Variants in EPHB2 observed in about 807,000 individuals in gnomAD.
The protein encoded by EPHB2 is ephrin type-B receptor 2.
A neutral mutation model predicts 96.4 loss-of-function variants in EPHB2; 18 were observed. The observed-to-expected ratio is 0.19, with a 90% CI of 0.13 to 0.28. The LOEUF is 0.28. Among genes scored for constraint, EPHB2 ranks in the 10% least tolerant of loss-of-function variants. The pLI is 1.00. For synonymous variants in EPHB2, 506 were observed against 534.1 expected (o/e 0.95, Z 0.72); for missense variants, 989 against 1,355.4 (o/e 0.73, Z 4.25).
intron 1 of EPHB2, among the ~76,000 whole-genome samples, chr1:22,721,125 G>A (rs942573866): frequency 2.6e-5 from 4 of 152,320 alleles, no homozygotes; most frequent in Admixed American, 2.0e-4. Context: ...TCGCAGGAGT[G>A]GGGAAGCATT....
intron 3 of EPHB2, among the ~76,000 whole-genome samples, chr1:22,835,247 G>T (rs1188618293): frequency 1.3e-5 from 2 of 152,156 alleles, no homozygotes; most frequent in South Asian, 2.1e-4. Context: ...GGGCATGGTG[G>T]CATGTGCCTG....
chr1:22,763,311 G>C (rs772140551), intron 1 of EPHB2, among the ~76,000 whole-genome samples: 2 of 152,182 alleles, frequency 1.3e-5, no homozygotes, highest in Non-Finnish European at 2.9e-5. Context: ...GGCAGGGTTT[G>C]GTAGGTGGAA....
intron 1 of EPHB2, among the ~76,000 whole-genome samples, chr1:22,755,708 A>T (rs898932375): frequency 1.1e-4 from 17 of 152,212 alleles, no homozygotes; most frequent in Non-Finnish European, 2.1e-4. Flanking sequence ...TGGGACTAAT[A>T]CGGTGCCTAT....
At chr1:22,734,245 G>A (rs113182210) in intron 1 of EPHB2, among the ~76,000 whole-genome samples, 7 of 152,176 alleles carry the variant, frequency 4.6e-5, no homozygotes, top group South Asian at 2.1e-4. Flanking sequence ...CTTACCCCCC[G>A]GCACAGCCCA....
chr1:22,882,581 G>T (rs1420573915), intron 6 of EPHB2, 98 bp downstream of exon 6: 15 of 1,570,540 alleles, frequency 9.6e-6, no homozygotes, highest in Non-Finnish European at 1.3e-5. Flanking sequence ...AAGATGAGAC[G>T]CACTGGTGCA....
Position 22,913,658 on chromosome 1 carries a change from G to A in EPHB2, c.*88G>A, listed in dbSNP as rs1180957843. 1 of 1,602,034 alleles carries A rather than the reference G, an allele frequency of 6.2e-7. No homozygotes were observed. Among genetic ancestry groups the A allele is most frequent in the East Asian group, 2.3e-5 (1 of 44,422 alleles). On this transcript the variant is annotated 3_prime_UTR_variant, in exon 16 of 16. Transcript: ENST00000374630. This position sits in a 1 kb window ranked among gnomAD's most constrained non-coding sequence, Gnocchi z 4.1. ...CCTCCTGGTGCTCTATCCACTGCAG[G>A]GCCAGCCACTCGCCAGGAGGCCACG...
intron 1 of EPHB2, among the ~76,000 whole-genome samples, chr1:22,748,293 T>C (rs1644006399): frequency 6.6e-6 from 1 of 152,182 alleles, no homozygotes; most frequent in South Asian, 2.1e-4. Context: ...CTTTGGCTGC[T>C]GGGAAGCTCA....
rs749193387 is a variant in EPHB2, at chr1:22,882,282, C to T, written c.1304-77C>T. The T allele has an allele frequency of 3.3e-5, 53 of 1,595,494 alleles. 1 individual carries two copies. Among genetic ancestry groups the T allele is most frequent in the South Asian group, 4.4e-5 (4 of 90,282 alleles). Reference sequence around the variant, plus strand: ...CTGATCCCACAGTGCCCCACCTGTCCGAGTACCTCTGAGGGTGGGCCAGAA... The same window carrying T: ...CTGATCCCACAGTGCCCCACCTGTCTGAGTACCTCTGAGGGTGGGCCAGAA... On this transcript the variant is annotated intron_variant, in intron 5 of 15. Coordinates refer to ENST00000374630, the MANE Select transcript of EPHB2 (RefSeq NM_017449.5).
intron 3 of EPHB2, among the ~76,000 whole-genome samples, chr1:22,796,777 G>A (rs180783851): frequency 3.9e-5 from 6 of 152,288 alleles, no homozygotes; most frequent in Admixed American, 3.9e-4. Flanking sequence ...TATCAATTGG[G>A]TGCTCACTCT....
intron 3 of EPHB2, among the ~76,000 whole-genome samples, chr1:22,808,038 G>A (rs1477454028): frequency 6.6e-6 from 1 of 152,120 alleles, no homozygotes; most frequent in Non-Finnish European, 1.5e-5. Flanking sequence ...GGAGGCTGAG[G>A]CAGGAGAATT....
At chr1:22,791,471 CTTTTTTTTTTT>C (rs55650452) in intron 3 of EPHB2, among the ~76,000 whole-genome samples, 1 of 92,888 alleles carries the variant, frequency 1.1e-5, no homozygotes, top group African/African-American at 4.4e-5. Context: ...TTCTTTCTTT[CTTTTTTTTTTT>C]TTTTTTTTCC....
At chr1:22,718,780 T>C (rs1643360702) in intron 1 of EPHB2, among the ~76,000 whole-genome samples, 2 of 152,174 alleles carry the variant, frequency 1.3e-5, no homozygotes, top group Admixed American at 6.5e-5. Flanking sequence ...GTTGTATTAT[T>C]GTGCCCATTT....
In EPHB2 at chr1:22,733,284, G is replaced by A. The variant is rs574039941; in HGVS notation, c.61+22241G>A. Reference sequence around the variant, plus strand: ...GGCTGGTCTCAAACTTCTGACCTCAGGTGATTTGCCCACCTCAGCCTTCCA... The same window carrying A: ...GGCTGGTCTCAAACTTCTGACCTCAAGTGATTTGCCCACCTCAGCCTTCCA... On this transcript the variant is annotated intron_variant, in intron 1 of 15. Coordinates refer to ENST00000374630, the MANE Select transcript of EPHB2 (RefSeq NM_017449.5). This position sits in a 1 kb window ranked among gnomAD's most constrained non-coding sequence, Gnocchi z 4.6. 1.3e-5 allele frequency among the ~76,000 whole-genome samples: 2 copies of A among 152,158 alleles called. No homozygotes were observed. Among genetic ancestry groups the A allele is most frequent in the African/African-American group, 2.4e-5 (1 of 41,498 alleles).
At position 22,860,613 on chromosome 1, in the gene EPHB2, G is replaced by GC. The variant is rs1017335099; in HGVS notation, c.812-2417dup. Among the ~76,000 whole-genome samples, 68 of 152,126 alleles carry GC rather than the reference G, an allele frequency of 4.5e-4. No homozygotes were observed. The East Asian group carries it at 0.01, about 23-fold the overall frequency. ...GAGAGAGAGCAGCCACCCACTGGCG[G>GC]CCCCCCCGGGAATGCCCCGCAGATG... On this transcript the variant is annotated intron_variant, in intron 3 of 15. Coordinates refer to ENST00000374630, the MANE Select transcript of EPHB2 (RefSeq NM_017449.5). This position sits in a 1 kb window ranked among gnomAD's most constrained non-coding sequence, Gnocchi z 4.6.
At chr1:22,774,113 C>T (rs1018380280) in intron 1 of EPHB2, among the ~76,000 whole-genome samples, 3 of 152,174 alleles carry the variant, frequency 2.0e-5, no homozygotes, top group South Asian at 2.1e-4. Context: ...CTGTATGTGG[C>T]GTGCCCTTCC....
intron 3 of EPHB2, among the ~76,000 whole-genome samples, chr1:22,786,914 C>G (rs1570275600): frequency 6.6e-6 from 1 of 152,144 alleles, no homozygotes. Context: ...GTTTTACGTC[C>G]TTGGGTATAA....
At position 22,913,328 on chromosome 1, in the gene EPHB2, C is replaced by A; in HGVS notation, c.2853-134C>A. 1 of 1,158,524 alleles carries A rather than the reference C, an allele frequency of 8.6e-7. No individual in the cohort carries two copies. Among genetic ancestry groups the A allele is most frequent in the Non-Finnish European group, 1.3e-6 (1 of 796,710 alleles). The allele number at this position is 1,158,524 out of a possible 1,614,324, so 71.8% of individuals were successfully genotyped here. A position where few individuals can be genotyped will look rare whatever the true frequency, so the allele number is the denominator to read the frequency against. ...GCTCCCTCCAGCTGTGGCTGCCTGCCCACTCCCCACTCCCCACTCCCCAGT... is the reference window on the plus strand; with the variant it reads ...GCTCCCTCCAGCTGTGGCTGCCTGCACACTCCCCACTCCCCACTCCCCAGT... On this transcript the variant is annotated intron_variant, in intron 15 of 15. Transcript: ENST00000374630. The surrounding 1 kb of genome is among the most constrained non-coding windows in gnomAD (Gnocchi z 4.1).
At chr1:22,744,944 ATCC>A (rs1428956636) in intron 1 of EPHB2, among the ~76,000 whole-genome samples, 2 of 152,246 alleles carry the variant, frequency 1.3e-5, no homozygotes, top group East Asian at 3.8e-4. Flanking sequence ...CATAAAGGTC[ATCC>A]TCCTCGTCTT....
intron 1 of EPHB2, among the ~76,000 whole-genome samples, chr1:22,745,287 C>T (rs971564398): frequency 2.0e-5 from 3 of 152,198 alleles, no homozygotes; most frequent in East Asian, 1.9e-4. Flanking sequence ...GCTGATAACA[C>T]GCAGCATCAT....
Sources: gnomAD v4.1 joint callset for allele counts (sites outside exome capture counted in the v4.1 genomes callset) on GRCh38, gnomAD v4.1.1 for gene constraint, Gnocchi (gnomAD v3.1) non-coding constraint, MANE v1.5 for transcripts, NCBI Gene and HGNC (gene_info 2026-07-23, HGNC 2026-07-21) for gene names.